Variants in CYB5A observed in about 807,000 individuals in gnomAD.
CYB5A encodes cytochrome b5 type A, also known as cytochrome b5.
A neutral mutation model predicts 16.2 loss-of-function variants in CYB5A; 10 were observed. The observed-to-expected ratio is 0.62, with a 90% CI of 0.38 to 1.04. The LOEUF (loss-of-function observed/expected upper bound fraction) is 1.04. Among genes scored for constraint, CYB5A ranks in the 50% least tolerant of loss-of-function variants. The pLI is 0.01. For missense variants in CYB5A, 161 were observed against 165.9 expected, an observed-to-expected ratio of 0.97 and a Z score of 0.16; for synonymous variants, 62 against 57.0, an observed-to-expected ratio of 1.09 and a Z score of -0.40.
intron 1 of CYB5A, among the ~76,000 whole-genome samples, chr18:74,278,449 C>A (rs531821580): frequency 1.1e-4 from 17 of 152,190 alleles, no homozygotes; most frequent in Non-Finnish European, 2.2e-4. Flanking sequence ...GCCACAGAGA[C>A]TATGTATAGT....
At chr18:74,264,351 A>T (rs954667507) in intron 1 of CYB5A, among the ~76,000 whole-genome samples, 1 of 152,100 alleles carries the variant, frequency 6.6e-6, no homozygotes, top group Non-Finnish European at 1.5e-5. Context: ...TGGTTTTTCC[A>T]TCAGGCTCTC....
At chr18:74,285,867 T>C (rs1005075452) in intron 1 of CYB5A, among the ~76,000 whole-genome samples, 7 of 133,574 alleles carry the variant, frequency 5.2e-5, no homozygotes, top group Non-Finnish European at 6.3e-5. Context: ...AAAAAAAAAG[T>C]AGAAGTGTAC....
intron 1 of CYB5A, 29 bp from the exon 2 acceptor site, chr18:74,263,506 T>C: frequency 6.2e-7 from 1 of 1,612,988 alleles, no homozygotes; most frequent in East Asian, 2.2e-5. Context: ...GAATAAAAAT[T>C]TTTTTTTCAG....
At chr18:74,263,003 A>G (rs1410271128) in intron 2 of CYB5A, among the ~76,000 whole-genome samples, 1 of 152,082 alleles carries the variant, frequency 6.6e-6, no homozygotes, top group Non-Finnish European at 1.5e-5. Flanking sequence ...TATGAAATTT[A>G]TCAGGCGTGG....
At chr18:74,284,758 C>T (rs762039849) in intron 1 of CYB5A, among the ~76,000 whole-genome samples, 4 of 152,186 alleles carry the variant, frequency 2.6e-5, no homozygotes, top group Non-Finnish European at 5.9e-5. Flanking sequence ...TTATCCCTCG[C>T]CCCCTCCAGA....
At chr18:74,254,167 G>A (rs369144561) in intron 4 of CYB5A, among the ~76,000 whole-genome samples, 20 of 152,194 alleles carry the variant, frequency 1.3e-4, no homozygotes, top group Non-Finnish European at 2.6e-4. Context: ...GTGATAGAGC[G>A]AGACTGTCTC....
intron 1 of CYB5A, among the ~76,000 whole-genome samples, chr18:74,282,119 G>A (rs1983135831): frequency 1.3e-5 from 2 of 152,106 alleles, no homozygotes; most frequent in African/African-American, 4.8e-5. Context: ...TGTGTTCCAT[G>A]CTCTGAGACT....
chr18:74,261,141 A>G (rs780479086), intron 2 of CYB5A, 197 bp from the exon 3 acceptor site: 5 of 553,926 alleles, frequency 9.0e-6, no homozygotes, highest in Non-Finnish European at 1.6e-5. Flanking sequence ...GCCAAGAGAT[A>G]TTTTCTATCT....
At chr18:74,271,133 G>C (rs1417167266) in intron 1 of CYB5A, among the ~76,000 whole-genome samples, 2 of 152,166 alleles carry the variant, frequency 1.3e-5, no homozygotes, top group Non-Finnish European at 2.9e-5. Context: ...ACTGCTGTCT[G>C]ATTCAGTTCA....
chr18:74,260,963 G>A lies in CYB5A; in HGVS notation c.259-19C>T, dbSNP rs11877813. Reference sequence around the variant, plus strand: ...TGTCATCCTGCAATGAAAAGATAAGGCACATTATGGAATTTAAAAATCTAT... The same window carrying A: ...TGTCATCCTGCAATGAAAAGATAAGACACATTATGGAATTTAAAAATCTAT... On this transcript the variant is annotated intron_variant, in intron 2 of 4. Transcript: ENST00000340533. 3 of 1,604,926 alleles carry A rather than the reference G, an allele frequency of 1.9e-6. No homozygotes were observed. In the African/African-American group the frequency reaches 4.0e-5, roughly 21 times the overall value.
intron 1 of CYB5A, among the ~76,000 whole-genome samples, chr18:74,278,082 C>G (rs1982950948): frequency 1.3e-5 from 2 of 152,304 alleles, no homozygotes; most frequent in South Asian, 4.1e-4. Context: ...ATTCTGAGCA[C>G]TTGTGTGGAC....
At chr18:74,272,258 G>A (rs574701679) in intron 1 of CYB5A, among the ~76,000 whole-genome samples, 9 of 152,240 alleles carry the variant, frequency 5.9e-5, no homozygotes, top group South Asian at 2.1e-4. Flanking sequence ...AGTTTTAGGC[G>A]ATTAGCAAAC....
At chr18:74,290,185 G>A (rs752026687) in intron 1 of CYB5A, among the ~76,000 whole-genome samples, 5 of 151,984 alleles carry the variant, frequency 3.3e-5, no homozygotes, top group African/African-American at 4.8e-5. Flanking sequence ...CTTTATCTTC[G>A]GGCACTGCTC....
intron 1 of CYB5A, among the ~76,000 whole-genome samples, chr18:74,279,829 CTT>C: frequency 6.6e-6 from 1 of 152,194 alleles, no homozygotes; most frequent in East Asian, 1.9e-4. Flanking sequence ...TATTTATAAA[CTT>C]TTAATTCTTA....
At chr18:74,257,100 A>T (rs1036418361) in intron 3 of CYB5A, 1 of 485,564 alleles carries the variant, frequency 2.1e-6, no homozygotes, top group African/African-American at 2.0e-5. Flanking sequence ...ACTGAAGGTA[A>T]AATATGATTG....
chr18:74,271,041 T>G (rs1982649310), intron 1 of CYB5A, among the ~76,000 whole-genome samples: 1 of 152,210 alleles, frequency 6.6e-6, no homozygotes, highest in Non-Finnish European at 1.5e-5. Context: ...TCCCTCTCAT[T>G]CCAACTCCTC....
chr18:74,288,539 C>G (rs1305571710), intron 1 of CYB5A, among the ~76,000 whole-genome samples: 2 of 152,156 alleles, frequency 1.3e-5, no homozygotes, highest in Non-Finnish European at 2.9e-5. Context: ...CAATAGAAGA[C>G]AGGAAAGAGG....
At chr18:74,281,459 G>T (rs945383797) in intron 1 of CYB5A, among the ~76,000 whole-genome samples, 1 of 152,190 alleles carries the variant, frequency 6.6e-6, no homozygotes, top group Non-Finnish European at 1.5e-5. Flanking sequence ...AGTGGGAAAA[G>T]GAGACAGGAG....
intron 1 of CYB5A, among the ~76,000 whole-genome samples, chr18:74,264,080 G>A (rs551898647): frequency 7.9e-5 from 12 of 151,954 alleles, no homozygotes; most frequent in Admixed American, 3.3e-4. Flanking sequence ...CCGTGGTGGC[G>A]GGCACCTGTA....
Sources: allele counts gnomAD v4.1 joint callset (sites outside exome capture counted in the v4.1 genomes callset), GRCh38; gene constraint gnomAD v4.1.1; transcripts MANE v1.5; gene names NCBI Gene and HGNC (gene_info 2026-07-23, HGNC 2026-07-21).